AVL9: variants seen among roughly 807,000 people sequenced by gnomAD.
AVL9 encodes late secretory pathway protein AVL9 homolog.
Under a neutral mutation model 79.2 loss-of-function variants are expected in AVL9, and 49 were observed. That is an observed-to-expected ratio of 0.62 (90% CI 0.49 to 0.79). The LOEUF is 0.79. AVL9 is among the 30% of genes least tolerant of loss of function. The pLI is 0.00. For missense variants in AVL9, 682 were observed against 776.8 expected, an observed-to-expected ratio of 0.88 and a Z score of 1.45; for synonymous variants, 299 against 280.6, an observed-to-expected ratio of 1.07 and a Z score of -0.65.
At chr7:32,558,079 C>G (rs1220699625) in intron 8 of AVL9, among the ~76,000 whole-genome samples, 1 of 150,980 alleles carries the variant, frequency 6.6e-6, no homozygotes, top group Non-Finnish European at 1.5e-5. Flanking sequence ...TGGTCTCGAT[C>G]TCCTGACCTC....
intron 1 of AVL9, among the ~76,000 whole-genome samples, chr7:32,501,122 G>A (rs1476138601): frequency 6.6e-6 from 1 of 152,196 alleles, no homozygotes; most frequent in Non-Finnish European, 1.5e-5. Flanking sequence ...GCAGAATGTT[G>A]CATTGCAAAT....
At chr7:32,557,734 T>C (rs1039836033) in intron 8 of AVL9, among the ~76,000 whole-genome samples, 1 of 152,200 alleles carries the variant, frequency 6.6e-6, no homozygotes, top group African/African-American at 2.4e-5. Flanking sequence ...TTTCAGACAT[T>C]GTGACTATCC....
intron 1 of AVL9, among the ~76,000 whole-genome samples, chr7:32,540,785 T>G (rs1789146046): frequency 6.6e-6 from 1 of 151,904 alleles, no homozygotes; most frequent in Non-Finnish European, 1.5e-5. Flanking sequence ...TCAGTCTTTT[T>G]AATGTTTTTC....
intron 1 of AVL9, among the ~76,000 whole-genome samples, chr7:32,540,079 G>A (rs372001875): frequency 1.4e-4 from 22 of 152,216 alleles, no homozygotes; most frequent in South Asian, 1.0e-3. Flanking sequence ...CCATTATTTC[G>A]CCTACCACAT....
intron 10 of AVL9, among the ~76,000 whole-genome samples, chr7:32,566,156 A>T (rs1202298524): frequency 8.1e-4 from 60 of 74,128 alleles, no homozygotes; most frequent in African/African-American, 2.7e-3. Flanking sequence ...TTATTATTTT[A>T]AAAAAATTTT....
chr7:32,568,034 A>T, intron 10 of AVL9, among the ~76,000 whole-genome samples: 1 of 134,396 alleles, frequency 7.4e-6, no homozygotes, highest in Non-Finnish European at 1.6e-5. Flanking sequence ...TTTTAATTTA[A>T]TTTTTCTTTT....
At chr7:32,548,803 T>C (rs753618693) in intron 3 of AVL9, 44 bp from the exon 4 acceptor site, 47 of 1,302,714 alleles carry the variant, frequency 3.6e-5, no homozygotes, top group Non-Finnish European at 4.5e-5. Context: ...TTTTGAAATA[T>C]TGCTATGAAA....
intron 1 of AVL9, among the ~76,000 whole-genome samples, chr7:32,519,358 A>T (rs182258112): frequency 6.6e-5 from 10 of 151,164 alleles, no homozygotes; most frequent in African/African-American, 2.4e-4. Flanking sequence ...AACCTAGGAG[A>T]TGGAGGTTGC....
rs1256533466 is a variant in AVL9, at chr7:32,551,338, T to C, written c.377T>C (p.Leu126Pro). The C allele has an allele frequency of 3.1e-6, 5 of 1,598,216 alleles. No homozygotes were observed. In the East Asian group the frequency reaches 1.1e-4, roughly 36 times the overall value. Residue 126 changes from leucine to proline, a missense_variant, in exon 5 of 16, where the codon CTG (leucine) becomes CCG (proline). Coordinates refer to ENST00000318709, the MANE Select transcript of AVL9 (RefSeq NM_015060.3). Reference protein sequence around the residue: ...KSVCVLSKLPLYGLLQAKLQL... With the variant: ...KSVCVLSKLPPYGLLQAKLQL... ...ATTTCTCTTTTTTCCTTTAAGCCTCTGTATGGTTTACTTCAAGCAAAACTT... is the reference window on the plus strand; with the variant it reads ...ATTTCTCTTTTTTCCTTTAAGCCTCCGTATGGTTTACTTCAAGCAAAACTT...
At chr7:32,543,364 A>G in intron 2 of AVL9, 103 bp downstream of exon 2, 1 of 1,354,878 alleles carries the variant, frequency 7.4e-7, no homozygotes, top group Non-Finnish European at 1.0e-6. Flanking sequence ...TCAGCCTGTT[A>G]GAACTATTTA....
chr7:32,522,752 C>G (rs917518868), intron 1 of AVL9, among the ~76,000 whole-genome samples: 2 of 152,090 alleles, frequency 1.3e-5, no homozygotes. Context: ...GGTGTGTCCT[C>G]ACCCAAATCT....
At chr7:32,553,512 G>A (rs1378532596) in intron 6 of AVL9, among the ~76,000 whole-genome samples, 1 of 152,096 alleles carries the variant, frequency 6.6e-6, no homozygotes, top group Non-Finnish European at 1.5e-5. Flanking sequence ...GACAAGACAG[G>A]TTTAAAATAT....
intron 10 of AVL9, chr7:32,562,806 C>T (rs1269533534): frequency 6.2e-6 from 1 of 161,610 alleles, no homozygotes; most frequent in African/African-American, 2.4e-5. Context: ...CCTGTAGTCA[C>T]CGCTACTTGG....
At position 32,526,474 on chromosome 7, in the gene AVL9, A is replaced by T. The variant is rs575085739; in HGVS notation, c.94-16667A>T. On this transcript the variant is annotated intron_variant, in intron 1 of 15. Transcript: ENST00000318709. Reference sequence around the variant, plus strand: ...GGCGAAGGGTAAGGACCTCTCAAAAATCCTGAGGCCTTTTATAAACCAGTT... The same window carrying T: ...GGCGAAGGGTAAGGACCTCTCAAAATTCCTGAGGCCTTTTATAAACCAGTT... Among the ~76,000 whole-genome samples the T allele has an allele frequency of 2.0e-5, 3 of 152,282 alleles. No individual in the cohort carries two copies. In the South Asian group the frequency reaches 6.2e-4, roughly 32 times the overall value.
intron 1 of AVL9, among the ~76,000 whole-genome samples, chr7:32,503,407 A>AC (rs1477431265): frequency 1.7e-5 from 1 of 60,294 alleles, no homozygotes; most frequent in Non-Finnish European, 4.6e-5. Context: ...CACACACACA[A>AC]ATTAGCCGGG....
rs1308653289 is a variant in AVL9, at chr7:32,509,475, A to C, written c.93+13673A>C. Among the ~76,000 whole-genome samples, 28 of 151,126 alleles carry C rather than the reference A, an allele frequency of 1.9e-4. 1 individual carries two copies. The highest frequency in any genetic ancestry group is 1.8e-3 in the Admixed American group (28 of 15,184). On this transcript the variant is annotated intron_variant, in intron 1 of 15. Transcript: ENST00000318709. ...AACAGATTAACGCTTTTTACTCCTC[A>C]CTCTCCTCTTTCTCTGTCATCAGTC... is the stretch of plus-strand genomic sequence containing the variant.
At chr7:32,541,599 C>G (rs759196355) in intron 1 of AVL9, among the ~76,000 whole-genome samples, 11 of 152,074 alleles carry the variant, frequency 7.2e-5, no homozygotes, top group Non-Finnish European at 1.5e-4. Context: ...TCCTGCCTTC[C>G]CTCACACTTT....
intron 10 of AVL9, among the ~76,000 whole-genome samples, chr7:32,568,386 A>G (rs1375175922): frequency 6.6e-6 from 1 of 151,688 alleles, no homozygotes; most frequent in Non-Finnish European, 1.5e-5. Context: ...ATTTTAGTAG[A>G]GACAGGGTTT....
At chr7:32,503,838 A>T (rs892007620) in intron 1 of AVL9, among the ~76,000 whole-genome samples, 1 of 151,950 alleles carries the variant, frequency 6.6e-6, no homozygotes, top group Admixed American at 6.6e-5. Context: ...GTGCACCACC[A>T]CACCCGGCTA....
Sources: gnomAD v4.1 joint callset for allele counts (sites outside exome capture counted in the v4.1 genomes callset) on GRCh38, gnomAD v4.1.1 for gene constraint, MANE v1.5 for transcripts, NCBI Gene and HGNC (gene_info 2026-07-23, HGNC 2026-07-21) for gene names.